Variants in TCF4 observed in about 807,000 individuals in gnomAD.
TCF4 encodes transcription factor 4, also known as SL3-3 enhancer factor 2.
Under a neutral mutation model 82.1 loss-of-function variants are expected in TCF4, and 3 were observed. The observed-to-expected ratio is 0.04, with a 90% confidence interval of 0.02 to 0.09. The LOEUF is 0.09. Among genes scored for constraint, TCF4 ranks in the 10% least tolerant of loss-of-function variants. TCF4 has a pLI of 1.00. For synonymous variants in TCF4, 276 were observed against 309.6 expected (o/e 0.89, Z 1.14); for missense variants, 518 against 852.7 (o/e 0.61, Z 4.89).
chr18:55,501,200 G>T (rs773509342), intron 3 of TCF4, among the ~76,000 whole-genome samples: 82 of 152,146 alleles, frequency 5.4e-4, no homozygotes, highest in South Asian at 8.3e-4. Context: ...ATATTTTCAT[G>T]CACATTATCA....
chr18:55,372,967 T>C (rs1015935601), intron 6 of TCF4, among the ~76,000 whole-genome samples: 1 of 151,890 alleles, frequency 6.6e-6, no homozygotes, highest in Non-Finnish European at 1.5e-5. Context: ...GTATAATTCC[T>C]GCACCATTAG....
At chr18:55,315,456 G>T (rs984788651) in intron 8 of TCF4, among the ~76,000 whole-genome samples, 1 of 152,204 alleles carries the variant, frequency 6.6e-6, no homozygotes, top group South Asian at 2.1e-4. Context: ...TCAGAATGTG[G>T]TACTGTGCCA....
chr18:55,582,794 C>G (rs1307982291), intron 3 of TCF4, among the ~76,000 whole-genome samples: 1 of 152,054 alleles, frequency 6.6e-6, no homozygotes, highest in East Asian at 1.9e-4. Flanking sequence ...TAGTTTAGAT[C>G]TTTCCTAAAT....
At chr18:55,270,714 G>T (rs2060171366) in intron 10 of TCF4, among the ~76,000 whole-genome samples, 1 of 152,102 alleles carries the variant, frequency 6.6e-6, no homozygotes, top group Non-Finnish European at 1.5e-5. Flanking sequence ...TATTATATTA[G>T]TTTTCCAAAT....
At chr18:55,413,311 C>T (rs1370790738) in intron 5 of TCF4, among the ~76,000 whole-genome samples, 1 of 152,144 alleles carries the variant, frequency 6.6e-6, no homozygotes, top group African/African-American at 2.4e-5. Context: ...TGACCTATAT[C>T]CCCTAAACAT....
chr18:55,457,046 A>G (rs2095772182), intron 5 of TCF4, among the ~76,000 whole-genome samples: 1 of 152,252 alleles, frequency 6.6e-6, no homozygotes, highest in Non-Finnish European at 1.5e-5. Context: ...TACACAATGA[A>G]AGCAACGAGT....
intron 5 of TCF4, among the ~76,000 whole-genome samples, chr18:55,457,596 C>T (rs1321152139): frequency 6.6e-6 from 1 of 152,206 alleles, no homozygotes; most frequent in African/African-American, 2.4e-5. Context: ...AGAGATCCTC[C>T]CTCCTTGGCC....
chr18:55,409,268 T>A (rs2094237407), intron 5 of TCF4, among the ~76,000 whole-genome samples: 1 of 152,114 alleles, frequency 6.6e-6, no homozygotes, highest in Non-Finnish European at 1.5e-5. Flanking sequence ...ATTAAAAGAA[T>A]CTACGAACTG....
chr18:55,487,726 G>A (rs1306446228), intron 3 of TCF4, among the ~76,000 whole-genome samples: 2 of 151,876 alleles, frequency 1.3e-5, no homozygotes, highest in African/African-American at 4.8e-5. Context: ...AGACAAGGAT[G>A]GGATAACAAC....
At chr18:55,622,345 A>G (rs1205499426) in intron 2 of TCF4, among the ~76,000 whole-genome samples, 2 of 151,204 alleles carry the variant, frequency 1.3e-5, no homozygotes, top group Admixed American at 1.3e-4. Context: ...CGTCTCTACT[A>G]AAATACAAAA....
At chr18:55,488,091 T>C (rs2096536108) in intron 3 of TCF4, among the ~76,000 whole-genome samples, 1 of 152,198 alleles carries the variant, frequency 6.6e-6, no homozygotes, top group Non-Finnish European at 1.5e-5. Context: ...TGCACTGGCA[T>C]AAACAAACAA....
intron 6 of TCF4, among the ~76,000 whole-genome samples, chr18:55,399,898 A>T (rs1476489457): frequency 2.7e-5 from 4 of 145,900 alleles, no homozygotes; most frequent in Non-Finnish European, 4.6e-5. Context: ...ACACACACAC[A>T]CACACACACA....
chr18:55,534,582 G>A (rs2097098885), intron 3 of TCF4, among the ~76,000 whole-genome samples: 1 of 152,194 alleles, frequency 6.6e-6, no homozygotes, highest in South Asian at 2.1e-4. Context: ...TAGAGAATAA[G>A]ACACAGCAGA....
chr18:55,283,104 A>G (rs2062952809), intron 8 of TCF4, among the ~76,000 whole-genome samples: 1 of 152,144 alleles, frequency 6.6e-6, no homozygotes, highest in Non-Finnish European at 1.5e-5. Flanking sequence ...TACATATAGA[A>G]ATCCTGAGTT....
At chr18:55,290,291 A>C (rs1391165408) in intron 8 of TCF4, among the ~76,000 whole-genome samples, 1 of 152,190 alleles carries the variant, frequency 6.6e-6, no homozygotes, top group African/African-American at 2.4e-5. Context: ...GGAGTGAACA[A>C]GTTAATTTCA....
At chr18:55,301,731 T>A (rs1266438934) in intron 8 of TCF4, among the ~76,000 whole-genome samples, 1 of 137,920 alleles carries the variant, frequency 7.3e-6, no homozygotes, top group East Asian at 2.1e-4. Flanking sequence ...CAGAAGAGGA[T>A]GATGATGAGA....
At chr18:55,586,477 AC>A (rs2147873849) in intron 2 of TCF4, among the ~76,000 whole-genome samples, 2 of 152,312 alleles carry the variant, frequency 1.3e-5, no homozygotes, top group East Asian at 3.9e-4. Flanking sequence ...TACGAAATTT[AC>A]CAAAACAGTC....
At chr18:55,535,915 T>C (rs1224658555) in intron 3 of TCF4, among the ~76,000 whole-genome samples, 1 of 152,224 alleles carries the variant, frequency 6.6e-6, no homozygotes, top group Non-Finnish European at 1.5e-5. Context: ...AACAGTCCGA[T>C]GACAAATGAG....
At chr18:55,270,579 T>C (rs897905383) in intron 10 of TCF4, among the ~76,000 whole-genome samples, 1 of 152,150 alleles carries the variant, frequency 6.6e-6, no homozygotes, top group Non-Finnish European at 1.5e-5. Flanking sequence ...TAGGACCACA[T>C]GACTTATTTT....
Sources: gnomAD v4.1 joint callset for allele counts (sites outside exome capture counted in the v4.1 genomes callset) on GRCh38, gnomAD v4.1.1 for gene constraint, MANE v1.5 for transcripts, NCBI Gene and HGNC (gene_info 2026-07-23, HGNC 2026-07-21) for gene names.